SUCLG2: variants seen among roughly 807,000 people sequenced by gnomAD.
SUCLG2 encodes the protein succinate--CoA ligase [GDP-forming] subunit beta, mitochondrial.
Under a neutral mutation model 47.9 loss-of-function variants are expected in SUCLG2, and 42 were observed. That is an observed-to-expected ratio of 0.88 (90% CI 0.69 to 1.14). The LOEUF (loss-of-function observed/expected upper bound fraction) is 1.14. Among genes scored for constraint, SUCLG2 ranks in the 50% most tolerant of loss-of-function variants. The pLI, the probability that SUCLG2 is intolerant of heterozygous loss-of-function variation, is 0.00. For synonymous variants in SUCLG2, 195 were observed against 197.3 expected (o/e 0.99, Z 0.10); for missense variants, 571 against 525.9 (o/e 1.09, Z -0.84).
intron 1 of SUCLG2, among the ~76,000 whole-genome samples, chr3:67,626,093 C>G (rs539704259): frequency 6.6e-6 from 1 of 151,574 alleles, no homozygotes; most frequent in African/African-American, 2.4e-5. Context: ...CATCTCAGCT[C>G]ACTGCAAGCT....
chr3:67,607,531 A>G (rs1314690412), intron 2 of SUCLG2, among the ~76,000 whole-genome samples: 1 of 152,122 alleles, frequency 6.6e-6, no homozygotes, highest in Non-Finnish European at 1.5e-5. Context: ...CGACACCTAC[A>G]AAGTCTGTAT....
chr3:67,383,597 G>C (rs1184990268), intron 10 of SUCLG2, among the ~76,000 whole-genome samples: 1 of 152,160 alleles, frequency 6.6e-6, no homozygotes, highest in East Asian at 1.9e-4. Flanking sequence ...GGAGCCCCCA[G>C]CTCCAGTGGC....
intron 2 of SUCLG2, among the ~76,000 whole-genome samples, chr3:67,560,393 G>C (rs1446090973): frequency 6.6e-6 from 1 of 152,170 alleles, no homozygotes; most frequent in Admixed American, 6.5e-5. Flanking sequence ...AGGTCACCCA[G>C]TTTGTGCTAC....
chr3:67,487,700 A>G (rs1485776909), intron 9 of SUCLG2, among the ~76,000 whole-genome samples: 3 of 152,208 alleles, frequency 2.0e-5, no homozygotes, highest in Non-Finnish European at 4.4e-5. Context: ...TAGCCAAGAC[A>G]TGGGAAAATA....
downstream of SUCLG2, among the ~76,000 whole-genome samples, chr3:67,373,122 T>C (rs1464736144): frequency 6.6e-6 from 1 of 152,222 alleles, no homozygotes; most frequent in Non-Finnish European, 1.5e-5. Flanking sequence ...TTCTCGCTTA[T>C]TTTAATTTTG....
At chr3:67,428,452 C>T (rs529066180) in intron 9 of SUCLG2, among the ~76,000 whole-genome samples, 2 of 152,296 alleles carry the variant, frequency 1.3e-5, no homozygotes, top group East Asian at 3.9e-4. Context: ...GCGTCACCAT[C>T]ATCAAAGACC....
At chr3:67,390,729 A>C (rs914937565) in intron 10 of SUCLG2, among the ~76,000 whole-genome samples, 1 of 152,000 alleles carries the variant, frequency 6.6e-6, no homozygotes, top group Non-Finnish European at 1.5e-5. Context: ...GGCCCAACCC[A>C]TGAAACTGTT....
intron 4 of SUCLG2, 102 bp downstream of exon 4, chr3:67,528,030 C>A: frequency 9.9e-7 from 1 of 1,013,904 alleles, no homozygotes; most frequent in Non-Finnish European, 1.5e-6. Flanking sequence ...GGCACACTGC[C>A]AAAGAGCAGT....
intron 2 of SUCLG2, among the ~76,000 whole-genome samples, chr3:67,563,035 AT>A (rs1401241430): frequency 2.0e-5 from 3 of 150,548 alleles, no homozygotes; most frequent in Non-Finnish European, 4.4e-5. Flanking sequence ...AGGAATTATA[AT>A]GTGTACGATT....
chr3:67,398,563 A>T (rs1702606070), intron 10 of SUCLG2, among the ~76,000 whole-genome samples: 1 of 151,902 alleles, frequency 6.6e-6, no homozygotes, highest in South Asian at 2.1e-4. Context: ...ACACTTTTAC[A>T]CTGTTGGTGG....
At chr3:67,519,663 T>A (rs570390690) in intron 5 of SUCLG2, among the ~76,000 whole-genome samples, 2 of 152,308 alleles carry the variant, frequency 1.3e-5, no homozygotes, top group South Asian at 4.1e-4. Flanking sequence ...AACAAAAAAA[T>A]CATTTTCTAA....
At chr3:67,611,203 G>C (rs962041013) in intron 1 of SUCLG2, among the ~76,000 whole-genome samples, 1 of 152,148 alleles carries the variant, frequency 6.6e-6, no homozygotes, top group Admixed American at 6.5e-5. Context: ...CCTAAAGATA[G>C]CTCTCTGTTC....
exon 11 of SUCLG2, chr3:67,360,622 T>TA: frequency 6.7e-7 from 1 of 1,500,210 alleles, no homozygotes; most frequent in Non-Finnish European, 8.9e-7. Flanking sequence ...CTTAGCAAAG[T>TA]AAATCTTTAA....
intron 9 of SUCLG2, among the ~76,000 whole-genome samples, chr3:67,471,637 A>G (rs1704606940): frequency 1.3e-5 from 2 of 152,140 alleles, no homozygotes; most frequent in South Asian, 4.1e-4. Flanking sequence ...AAGGTGTGGG[A>G]GAGAAATGAT....
At chr3:67,380,974 G>A (rs1295294615) in intron 10 of SUCLG2, among the ~76,000 whole-genome samples, 1 of 152,024 alleles carries the variant, frequency 6.6e-6, no homozygotes, top group Non-Finnish European at 1.5e-5. Context: ...CCTCCTTCCT[G>A]TTGAGGGAAC....
chr3:67,450,808 G>A (rs940833687), intron 9 of SUCLG2, among the ~76,000 whole-genome samples: 2 of 152,204 alleles, frequency 1.3e-5, no homozygotes, highest in African/African-American at 2.4e-5. Flanking sequence ...GCTTGCTACT[G>A]TATCTGGCCC....
intron 1 of SUCLG2, among the ~76,000 whole-genome samples, chr3:67,635,841 T>C (rs780246121): frequency 1.3e-5 from 2 of 152,068 alleles, no homozygotes; most frequent in Non-Finnish European, 2.9e-5. Flanking sequence ...CCATTTCAAC[T>C]CCCCTCCTTC....
intron 2 of SUCLG2, among the ~76,000 whole-genome samples, chr3:67,539,047 T>G (rs1575763772): frequency 6.6e-6 from 1 of 152,242 alleles, no homozygotes; most frequent in Non-Finnish European, 1.5e-5. Flanking sequence ...GAATACCTTT[T>G]ATTTCCTTCC....
rs35629133 is a variant in SUCLG2, at chr3:67,380,165, A to AT, written c.1184-4307dup. Among the ~76,000 whole-genome samples, 416 of 141,636 alleles carry AT rather than the reference A, an allele frequency of 2.9e-3. 1 individual carries two copies. Among genetic ancestry groups the AT allele is most frequent in the South Asian group, 6.9e-3 (30 of 4,360 alleles). 92.9% of individuals were successfully genotyped at this position (141,636 alleles called of 152,430 possible). On this transcript the variant is annotated intron_variant, in intron 10 of 10. Coordinates refer to ENST00000307227, the MANE Select transcript of SUCLG2 (RefSeq NM_003848.4). ...ACTGCTCAAGGTGCAATCAGGAGGGATTTTTTTTTTTTTTTTGGAGTCCTC... is the reference window on the plus strand; with the variant it reads ...ACTGCTCAAGGTGCAATCAGGAGGGATTTTTTTTTTTTTTTTTGGAGTCCTC...
Sources: gnomAD v4.1 joint callset for allele counts (sites outside exome capture counted in the v4.1 genomes callset) on GRCh38, gnomAD v4.1.1 for gene constraint, MANE v1.5 for transcripts, NCBI Gene and HGNC (gene_info 2026-07-23, HGNC 2026-07-21) for gene names.